The following TNFSF4 variants were observed in gnomAD, a reference collection of about 807,000 sequenced individuals.
TNFSF4 encodes tumor necrosis factor ligand superfamily member 4.
TNFSF4 carries 4 observed loss-of-function variants against 7.3 expected under a neutral mutation model. The ratio of observed to expected loss-of-function variants is 0.55; its 90% CI spans 0.27 to 1.25. The LOEUF (loss-of-function observed/expected upper bound fraction) is 1.25, where lower values mean the gene tolerates loss of function less well. Ranked by LOEUF, TNFSF4 falls within the 50% of genes most tolerant of loss-of-function variation. The probability of loss-of-function intolerance (pLI) is 0.12; values close to 1 mark genes in which losing one functional copy is unlikely to be tolerated. For missense variants in TNFSF4, 181 were observed against 208.8 expected (o/e 0.87, Z 0.82); for synonymous variants, 76 against 83.7 (o/e 0.91, Z 0.50).
chr1:173,225,777 T>A, the TNFSF4 span, among the ~76,000 whole-genome samples: 1 of 152,076 alleles, frequency 6.6e-6, no homozygotes, highest in Non-Finnish European at 1.5e-5. Flanking sequence ...AATTGCTATA[T>A]CTCAGACCAA....
the TNFSF4 span, among the ~76,000 whole-genome samples, chr1:173,304,329 G>A: frequency 1.3e-5 from 2 of 151,938 alleles, no homozygotes; most frequent in African/African-American, 4.8e-5. Context: ...AAACTAGGTA[G>A]AAGAATTTGG....
the TNFSF4 span, among the ~76,000 whole-genome samples, chr1:173,241,563 A>G: frequency 1.2e-4 from 19 of 152,366 alleles, no homozygotes; most frequent in African/African-American, 1.9e-4. Context: ...TAAAGGAGAA[A>G]GTCTGCAGCT....
chr1:173,446,227 GA>G, the TNFSF4 span, among the ~76,000 whole-genome samples: 3 of 150,936 alleles, frequency 2.0e-5, no homozygotes, highest in Non-Finnish European at 3.0e-5. Context: ...TGAACAAAGG[GA>G]AAAAAACAGA....
At chr1:173,243,255 G>A in the TNFSF4 span, among the ~76,000 whole-genome samples, 1 of 152,158 alleles carries the variant, frequency 6.6e-6, no homozygotes, top group Non-Finnish European at 1.5e-5. Context: ...TACTGATCCA[G>A]CTGATCTGAA....
the TNFSF4 span, among the ~76,000 whole-genome samples, chr1:173,258,524 G>A: frequency 6.6e-6 from 1 of 152,178 alleles, no homozygotes; most frequent in African/African-American, 2.4e-5. Flanking sequence ...AGGGCCTTGG[G>A]TCCCAAGCAC....
the TNFSF4 span, among the ~76,000 whole-genome samples, chr1:173,378,169 T>C: frequency 6.6e-6 from 1 of 152,148 alleles, no homozygotes; most frequent in Non-Finnish European, 1.5e-5. Flanking sequence ...TCTGCTGCTG[T>C]GTCAGTGAGT....
chr1:173,258,643 G>T, the TNFSF4 span, among the ~76,000 whole-genome samples: 1 of 152,152 alleles, frequency 6.6e-6, no homozygotes, highest in African/African-American at 2.4e-5. Context: ...CTGTCACCGT[G>T]GCTCCAGTCT....
intron 1 of TNFSF4, among the ~76,000 whole-genome samples, chr1:173,201,483 A>G (rs1649941270): frequency 6.6e-6 from 1 of 152,216 alleles, no homozygotes; most frequent in African/African-American, 2.4e-5. Flanking sequence ...TGTTAACGGA[A>G]GCATGTTCAT....
chr1:173,423,698 T>C, the TNFSF4 span, among the ~76,000 whole-genome samples: 1 of 152,194 alleles, frequency 6.6e-6, no homozygotes, highest in Admixed American at 6.5e-5. Flanking sequence ...AAGTAACAAT[T>C]TGTACAAAGA....
chr1:173,313,036 T>G, the TNFSF4 span, among the ~76,000 whole-genome samples: 19 of 152,074 alleles, frequency 1.2e-4, no homozygotes, highest in African/African-American at 4.3e-4. Flanking sequence ...CACAATTCTT[T>G]CTCTCAATCT....
chr1:173,381,092 G>A, the TNFSF4 span, among the ~76,000 whole-genome samples: 13 of 152,212 alleles, frequency 8.5e-5, no homozygotes, highest in Admixed American at 2.6e-4. Flanking sequence ...TACAGGAACC[G>A]GAATAGCCAG....
chr1:173,233,913 A>G, the TNFSF4 span, among the ~76,000 whole-genome samples: 1 of 152,316 alleles, frequency 6.6e-6, no homozygotes, highest in African/African-American at 2.4e-5. Flanking sequence ...TAAAACACTA[A>G]AAGCAATGGC....
At chr1:173,227,729 C>T in the TNFSF4 span, among the ~76,000 whole-genome samples, 25 of 152,370 alleles carry the variant, frequency 1.6e-4, no homozygotes, top group South Asian at 6.2e-4. Context: ...AATCGGGTCA[C>T]TCCCACCCTA....
At chr1:173,280,586 T>G in the TNFSF4 span, among the ~76,000 whole-genome samples, 3 of 152,162 alleles carry the variant, frequency 2.0e-5, no homozygotes, top group East Asian at 3.9e-4. Context: ...ACAAGTTAGT[T>G]TTTATTCCTT....
the TNFSF4 span, among the ~76,000 whole-genome samples, chr1:173,333,926 G>A: frequency 6.9e-3 from 1,057 of 152,110 alleles, 17 homozygotes; most frequent in African/African-American, 0.024. Context: ...TATCAGCAGG[G>A]TTCAGGGTTC....
the TNFSF4 span, among the ~76,000 whole-genome samples, chr1:173,213,038 G>A: frequency 6.6e-6 from 1 of 152,146 alleles, no homozygotes; most frequent in Non-Finnish European, 1.5e-5. Context: ...CAGAAATAAT[G>A]AGAGTCTAAA....
chr1:173,230,065 G>T, the TNFSF4 span, among the ~76,000 whole-genome samples: 1 of 152,124 alleles, frequency 6.6e-6, no homozygotes, highest in African/African-American at 2.4e-5. Flanking sequence ...ATTGAAATCA[G>T]CTCTGCACCA....
the TNFSF4 span, among the ~76,000 whole-genome samples, chr1:173,293,337 A>G: frequency 1.3e-5 from 2 of 152,106 alleles, no homozygotes; most frequent in African/African-American, 4.8e-5. Flanking sequence ...CAACCATCTG[A>G]TCATCAACAA....
the TNFSF4 span, among the ~76,000 whole-genome samples, chr1:173,227,308 G>A: frequency 6.6e-6 from 1 of 151,928 alleles, no homozygotes; most frequent in Non-Finnish European, 1.5e-5. Flanking sequence ...TATAATTATT[G>A]TTATTTTATA....
Sources: allele counts gnomAD v4.1 joint callset (sites outside exome capture counted in the v4.1 genomes callset), GRCh38; gene constraint gnomAD v4.1.1; transcripts MANE v1.5; gene names NCBI Gene and HGNC (gene_info 2026-07-23, HGNC 2026-07-21).